Variants in LONRF3 observed in about 807,000 individuals in gnomAD.
LONRF3 encodes LON peptidase N-terminal domain and ring finger 3.
In LONRF3, 19 loss-of-function variants were observed where a neutral mutation model predicts 51.7. The ratio of observed to expected loss-of-function variants is 0.37; its 90% CI spans 0.26 to 0.54. The LOEUF (loss-of-function observed/expected upper bound fraction) is 0.54. Among genes scored for constraint, LONRF3 ranks in the 20% least tolerant of loss-of-function variants. The pLI is 0.86. For synonymous variants in LONRF3, 265 were observed against 257.8 expected, an observed-to-expected ratio of 1.03 and a Z score of -0.27; for missense variants, 521 against 623.9, an observed-to-expected ratio of 0.84 and a Z score of 1.76.
intron 2 of LONRF3, among the ~76,000 whole-genome samples, chrX:118,978,998 CTTTTTTTTTTTTT>C (rs36016675): frequency 1.8e-5 from 1 of 56,119 alleles, no homozygotes; most frequent in Non-Finnish European, 3.0e-5. Flanking sequence ...TGTTTTCTTT[CTTTTTTTTTTTTT>C]TTTTTTTGAG....
At chrX:118,998,776 A>G (rs954273461) in intron 5 of LONRF3, among the ~76,000 whole-genome samples, 2 of 111,469 alleles carry the variant, frequency 1.8e-5, no homozygotes, top group Non-Finnish European at 3.8e-5. Context: ...ATTTCATCTC[A>G]CTGCATCCTC....
chrX:118,977,569 A>T (rs1419551266), intron 1 of LONRF3, among the ~76,000 whole-genome samples: 1 of 112,348 alleles, frequency 8.9e-6, no homozygotes, highest in Non-Finnish European at 1.9e-5. Flanking sequence ...CAAAGCTTCA[A>T]AGTCTGACCA....
chrX:118,985,228 C>T (rs1922860878), intron 3 of LONRF3, among the ~76,000 whole-genome samples: 1 of 111,933 alleles, frequency 8.9e-6, no homozygotes, highest in Admixed American at 9.5e-5. Context: ...ATCCTTGCAC[C>T]TTGTGATGCT....
rs1419656667 is a variant in LONRF3 at position 119,014,415 on chromosome X, T to C, written c.2124+59T>C. ...CCCACTAGAAGAGAGTGCCTAGTGTTTGTGATTAGATGGGTATGTGGCTGC... is the reference window on the plus strand; with the variant it reads ...CCCACTAGAAGAGAGTGCCTAGTGTCTGTGATTAGATGGGTATGTGGCTGC... On this transcript the variant is annotated intron_variant, in intron 10 of 10. Coordinates refer to ENST00000371628, the MANE Select transcript of LONRF3 (RefSeq NM_001031855.3). The C allele has an allele frequency of 2.9e-6, 3 of 1,037,080 alleles. No individual in the cohort carries two copies. The African/African-American group carries it at 5.6e-5, about 19-fold the overall frequency. 85.5% of individuals were successfully genotyped at this position (1,037,080 alleles called of 1,213,427 possible). A position where few individuals can be genotyped will look rare whatever the true frequency, so the allele number is the denominator to read the frequency against.
chrX:119,009,329 G>A (rs1257855976), intron 7 of LONRF3, 82 bp downstream of exon 7: 14 of 975,802 alleles, frequency 1.4e-5, no homozygotes, highest in South Asian at 2.5e-5. Flanking sequence ...CCCAGCTTCC[G>A]ACTTAGTGAT....
chrX:118,979,003 T>C lies in LONRF3; in HGVS notation c.936+540T>C, dbSNP rs1280156002. 4.9e-4 allele frequency among the ~76,000 whole-genome samples: 46 copies of C among 94,141 alleles called. No individual in the cohort carries two copies. The Middle Eastern group carries it at 0.021, about 43-fold the overall frequency. 81.8% of individuals were successfully genotyped at this position (94,141 alleles called of 115,157 possible). A position where few individuals can be genotyped will look rare whatever the true frequency, so the allele number is the denominator to read the frequency against. ...TCTCTCTTTCTGTTTTCTTTCTTTTTTTTTTTTTTTTTTTTGAGACAGAGT... is the reference window on the plus strand; with the variant it reads ...TCTCTCTTTCTGTTTTCTTTCTTTTCTTTTTTTTTTTTTTTGAGACAGAGT... On this transcript the variant is annotated intron_variant, in intron 2 of 10. Coordinates refer to ENST00000371628, the MANE Select transcript of LONRF3 (RefSeq NM_001031855.3).
At chrX:118,979,867 G>A (rs1922418972) in intron 2 of LONRF3, among the ~76,000 whole-genome samples, 1 of 111,967 alleles carries the variant, frequency 8.9e-6, no homozygotes, top group Admixed American at 9.5e-5. Flanking sequence ...ATGCCAGGAT[G>A]CAAAGTGTCA....
Position 118,990,454 on chromosome X carries a change from G to T in LONRF3, c.1325-16G>T. ...GGGGTGGCTCCAGCGCTGACTTCTT[G>T]CTTTCTAAATCGCAGATCCTCCCAC... On this transcript the variant is annotated splice_polypyrimidine_tract_variant and intron_variant, in intron 4 of 10. Transcript: ENST00000371628. The T allele has an allele frequency of 8.4e-7, 1 of 1,191,810 alleles. No individual in the cohort carries two copies. The highest frequency in any genetic ancestry group is 1.1e-6 in the Non-Finnish European group (1 of 877,728).
intron 6 of LONRF3, among the ~76,000 whole-genome samples, chrX:119,007,956 C>T (rs1349002750): frequency 1.8e-5 from 2 of 112,156 alleles, no homozygotes; most frequent in Non-Finnish European, 3.8e-5. Flanking sequence ...TGTGCCTTTT[C>T]TGGCTTTTTG....
rs531222233 is a variant in LONRF3 at position 118,999,761 on chromosome X, G to T, written c.1416-6360G>T. On this transcript the variant is annotated intron_variant, in intron 5 of 10. Transcript: ENST00000371628. ...CAGTTGGCTCACTCGAAATTTAAAA[G>T]CCATCATTTCCCTTATCCTGCCCCT... 5.4e-5 allele frequency among the ~76,000 whole-genome samples: 6 copies of T among 111,604 alleles called. No individual in the cohort carries two copies. The South Asian group carries it at 2.3e-3, about 42-fold the overall frequency.
intron 5 of LONRF3, among the ~76,000 whole-genome samples, chrX:118,993,864 C>G (rs983557492): frequency 1.8e-5 from 2 of 112,086 alleles, no homozygotes; most frequent in Non-Finnish European, 3.8e-5. Flanking sequence ...GACTGGGGAC[C>G]TATCTTCAGC....
At chrX:118,978,316 A>G (rs778491594) in intron 1 of LONRF3, 29 bp from the exon 2 acceptor site, 3 of 1,032,670 alleles carry the variant, frequency 2.9e-6, no homozygotes, top group African/African-American at 1.9e-5. Context: ...GGGGCCATTA[A>G]TAAAGGTTTT....
intron 5 of LONRF3, among the ~76,000 whole-genome samples, chrX:118,994,611 C>T (rs778842256): frequency 1.8e-5 from 2 of 110,796 alleles, no homozygotes; most frequent in South Asian, 3.9e-4. Context: ...CCATGTTGGT[C>T]AGGCTGGTCT....
chrX:119,012,884 T>C, intron 8 of LONRF3, 155 bp from the exon 9 acceptor site: 1 of 1,198,577 alleles, frequency 8.3e-7, no homozygotes, highest in Non-Finnish European at 1.1e-6. Context: ...ACACAGGCAC[T>C]GCCTGTTGTG....
At chrX:118,999,819 A>ACAAAG (rs1924143196) in intron 5 of LONRF3, among the ~76,000 whole-genome samples, 1 of 111,995 alleles carries the variant, frequency 8.9e-6, no homozygotes, top group Non-Finnish European at 1.9e-5. Flanking sequence ...ACAAAACAAA[A>ACAAAG]CAAAACCCTC....
chrX:118,975,013 C>T lies in LONRF3; in HGVS notation c.233C>T (p.Ala78Val), dbSNP rs771487079. The T allele has an allele frequency of 7.9e-5, 93 of 1,171,359 alleles. No individual in the cohort carries two copies. In the South Asian group the frequency reaches 1.7e-3, roughly 21 times the overall value. Reference sequence around the variant, plus strand: ...CTGCTCACGCAGGCAGACGCCTTGGCGTCCCGGGGGCGAATCCGTGAAGCC... The same window carrying T: ...CTGCTCACGCAGGCAGACGCCTTGGTGTCCCGGGGGCGAATCCGTGAAGCC... ...KVLLTQADAL[A>V]SRGRIREALE... Residue 78 changes from alanine to valine, a missense_variant, in exon 1 of 11, where the codon GCG becomes GTG. Coordinates refer to ENST00000371628, the MANE Select transcript of LONRF3 (RefSeq NM_001031855.3).
intron 5 of LONRF3, among the ~76,000 whole-genome samples, chrX:118,997,116 A>T (rs745430595): frequency 2.4e-4 from 27 of 111,007 alleles, no homozygotes; most frequent in Admixed American, 1.6e-3. Context: ...TTAGAAAAAA[A>T]ACAATTCTAA....
chrX:119,004,821 G>A (rs754280479), intron 5 of LONRF3, among the ~76,000 whole-genome samples: 53 of 112,392 alleles, frequency 4.7e-4, no homozygotes, highest in Non-Finnish European at 8.8e-4. Context: ...TGTCAATTTT[G>A]CATCAGTAAA....
At position 119,014,207 on chromosome X, in the gene LONRF3, G is replaced by A. The variant is rs1244388281; in HGVS notation, c.1975G>A (p.Val659Ile). Residue 659 changes from valine (V) to isoleucine (I), a missense_variant and splice_region_variant, in exon 10 of 11, where the codon GTT becomes ATT. Physicochemically the swap from Val to Ile is conservative, Grantham distance 29 (BLOSUM62 3). Transcript: ENST00000371628. ...ADIEYIEDQK[V>I]QGEDCAELMG... ...TTCACTTCCACTTTGATACTTTCAGGTTCAGGGAGAGGATTGTGCTGAGCT... is the reference window on the plus strand; with the variant it reads ...TTCACTTCCACTTTGATACTTTCAGATTCAGGGAGAGGATTGTGCTGAGCT... The A allele has an allele frequency of 5.8e-6, 7 of 1,203,606 alleles. No individual in the cohort carries two copies. The highest frequency in any genetic ancestry group is 7.8e-6 in the Non-Finnish European group (7 of 891,967).
Sources: gnomAD v4.1 joint callset for allele counts (sites outside exome capture counted in the v4.1 genomes callset) on GRCh38, gnomAD v4.1.1 for gene constraint, MANE v1.5 for transcripts, NCBI Gene and HGNC (gene_info 2026-07-23, HGNC 2026-07-21) for gene names.